Variants in DLGAP1 observed in about 807,000 individuals in gnomAD.
DLGAP1 encodes DLG associated protein 1.
DLGAP1 carries 11 observed loss-of-function variants against 90.8 expected under a neutral mutation model. That is an observed-to-expected ratio of 0.12 (90% confidence interval 0.08 to 0.20). The LOEUF (loss-of-function observed/expected upper bound fraction) is 0.20. Among genes scored for constraint, DLGAP1 ranks in the 10% least tolerant of loss-of-function variants. The probability of loss-of-function intolerance (pLI) is 1.00; values close to 1 mark genes in which losing one functional copy is unlikely to be tolerated. For missense variants in DLGAP1, 1,050 were observed against 1,333.8 expected (o/e 0.79, Z 3.31); for synonymous variants, 558 against 540.7 (o/e 1.03, Z -0.44).
intron 2 of DLGAP1, among the ~76,000 whole-genome samples, chr18:4,024,007 T>A (rs904108856): frequency 1.3e-4 from 20 of 152,224 alleles, no homozygotes; most frequent in African/African-American, 4.8e-4. Context: ...TTGGCATTTA[T>A]CTCGATGTAA....
chr18:4,026,413 T>A (rs1375895622), intron 2 of DLGAP1, among the ~76,000 whole-genome samples: 2 of 152,168 alleles, frequency 1.3e-5, no homozygotes, highest in Admixed American at 6.5e-5. Context: ...TGCTCCAGTT[T>A]AGAAGGGGTT....
intron 7 of DLGAP1, among the ~76,000 whole-genome samples, chr18:3,622,799 T>C (rs2058143811): frequency 6.6e-6 from 1 of 152,036 alleles, no homozygotes; most frequent in Non-Finnish European, 1.5e-5. Flanking sequence ...ATTGATTTCT[T>C]TTTTTTTCTT....
At chr18:4,335,312 A>ACCTC (rs2081046428) in intron 1 of DLGAP1, among the ~76,000 whole-genome samples, 1 of 151,860 alleles carries the variant, frequency 6.6e-6, no homozygotes. Flanking sequence ...GCTGTTTTTT[A>ACCTC]CCTCCCTCCC....
At chr18:3,503,252 C>CA (rs1213435502) in intron 11 of DLGAP1, among the ~76,000 whole-genome samples, 1 of 152,100 alleles carries the variant, frequency 6.6e-6, no homozygotes, top group Non-Finnish European at 1.5e-5. Context: ...TTTGAAAATT[C>CA]ATTCATTTTA....
At chr18:4,453,422 A>T (rs1389192454) in intron 1 of DLGAP1, among the ~76,000 whole-genome samples, 1 of 152,184 alleles carries the variant, frequency 6.6e-6, no homozygotes, top group Admixed American at 6.5e-5. Flanking sequence ...CCTCCATGTC[A>T]TTTCCGTTCA....
At chr18:4,304,941 A>AG (rs1361182281) in intron 1 of DLGAP1, among the ~76,000 whole-genome samples, 1 of 151,956 alleles carries the variant, frequency 6.6e-6, no homozygotes, top group Non-Finnish European at 1.5e-5. Flanking sequence ...CAAAAAAAAA[A>AG]AAAAGTTGTC....
intron 9 of DLGAP1, among the ~76,000 whole-genome samples, chr18:3,540,040 C>T (rs973705965): frequency 3.3e-5 from 5 of 152,172 alleles, no homozygotes; most frequent in Admixed American, 2.6e-4. Context: ...TGAAATGCTA[C>T]TCCTAGAAAG....
intron 8 of DLGAP1, among the ~76,000 whole-genome samples, chr18:3,574,459 A>T (rs185807210): frequency 5.1e-4 from 78 of 152,296 alleles, no homozygotes; most frequent in African/African-American, 1.9e-3. Flanking sequence ...CCGTAATCCA[A>T]ATGTTATTTA....
intron 2 of DLGAP1, among the ~76,000 whole-genome samples, chr18:4,147,931 C>G (rs1419334981): frequency 2.0e-5 from 3 of 152,198 alleles, no homozygotes; most frequent in Non-Finnish European, 4.4e-5. Context: ...AGATCAGCAT[C>G]ATCTGGGAAC....
intron 2 of DLGAP1, among the ~76,000 whole-genome samples, chr18:4,089,376 C>A (rs1420937043): frequency 6.6e-6 from 1 of 152,134 alleles, no homozygotes; most frequent in Non-Finnish European, 1.5e-5. Context: ...GGCCATACTG[C>A]CCAAAGTAAT....
At chr18:3,676,385 C>A (rs1302639424) in intron 7 of DLGAP1, among the ~76,000 whole-genome samples, 1 of 152,216 alleles carries the variant, frequency 6.6e-6, no homozygotes, top group Non-Finnish European at 1.5e-5. Context: ...TCGGAAGACC[C>A]TTCTCTCACT....
chr18:4,347,132 G>A (rs1202976050), intron 1 of DLGAP1, among the ~76,000 whole-genome samples: 2 of 151,998 alleles, frequency 1.3e-5, no homozygotes, highest in African/African-American at 2.4e-5. Context: ...AGAATCACGT[G>A]TACTAAAATT....
intron 3 of DLGAP1, among the ~76,000 whole-genome samples, chr18:3,928,075 C>T (rs1204564179): frequency 6.6e-6 from 1 of 152,174 alleles, no homozygotes; most frequent in Non-Finnish European, 1.5e-5. Flanking sequence ...TTTAGTAGCT[C>T]ACATTCCTCC....
chr18:3,636,126 A>G (rs7230580), intron 7 of DLGAP1, among the ~76,000 whole-genome samples: 54,407 of 150,628 alleles, frequency 0.36, 10,874 homozygotes, highest in East Asian at 0.77. Flanking sequence ...GACTTGACAC[A>G]TGCAACCCTT....
chr18:3,802,284 G>A (rs577313367), intron 5 of DLGAP1, among the ~76,000 whole-genome samples: 12 of 152,286 alleles, frequency 7.9e-5, no homozygotes, highest in Admixed American at 1.3e-4. Context: ...ACCCCGCCAC[G>A]CAGGCCATCT....
intron 1 of DLGAP1, among the ~76,000 whole-genome samples, chr18:4,365,432 CT>C (rs2081740883): frequency 1.3e-5 from 2 of 152,042 alleles, no homozygotes; most frequent in Non-Finnish European, 2.9e-5. Context: ...TGTAAACAGG[CT>C]AAAGGAATCC....
chr18:4,313,378 T>C (rs914088535), intron 1 of DLGAP1, among the ~76,000 whole-genome samples: 1 of 152,170 alleles, frequency 6.6e-6, no homozygotes, highest in Non-Finnish European at 1.5e-5. Flanking sequence ...GAGAAATGGC[T>C]ACCTGTTTGA....
rs527286614 is a variant in DLGAP1 at position 4,313,297 on chromosome 18, A to T, written c.-267+141709T>A. On this transcript the variant is annotated intron_variant, in intron 1 of 12. Transcript: ENST00000315677. ...GAAAAAGTAGATGTGGGTTGGGTGG[A>T]TAGAGAGACCTGGGTAATGGGAGTG... Among the ~76,000 whole-genome samples, 8 of 152,274 alleles carry T rather than the reference A, an allele frequency of 5.3e-5. 1 individual carries two copies. Among genetic ancestry groups the T allele is most frequent in the African/African-American group, 1.9e-4 (8 of 41,564 alleles).
chr18:3,523,142 G>A (rs1252711754), intron 10 of DLGAP1, among the ~76,000 whole-genome samples: 9 of 152,056 alleles, frequency 5.9e-5, no homozygotes, highest in African/African-American at 2.2e-4. Flanking sequence ...GGACGCTGAG[G>A]TAGGTGGATC....
Sources: allele counts gnomAD v4.1 joint callset (sites outside exome capture counted in the v4.1 genomes callset), GRCh38; gene constraint gnomAD v4.1.1; transcripts MANE v1.5; gene names NCBI Gene and HGNC (gene_info 2026-07-23, HGNC 2026-07-21).